Variants in DOK6 observed in about 807,000 individuals in gnomAD.
DOK6 encodes downstream of tyrosine kinase 6.
A neutral mutation model predicts 44.0 loss-of-function variants in DOK6; 22 were observed. The ratio of observed to expected loss-of-function variants is 0.50; its 90% confidence interval spans 0.36 to 0.71. The LOEUF is 0.71. DOK6 is among the 30% of genes least tolerant of loss of function. The pLI is 0.00. For synonymous variants in DOK6, 166 were observed against 145.5 expected (o/e 1.14, Z -1.01); for missense variants, 340 against 416.4 (o/e 0.82, Z 1.60).
Position 69,464,265 on chromosome 18 carries a change from T to A in DOK6, c.66+62955T>A, listed in dbSNP as rs981971307. On this transcript the variant is annotated intron_variant, in intron 1 of 7. Transcript: ENST00000382713. ...CCCATATCCTGATGTGGGATTGACATCCTGATGTGAGATTTTCTAAAAACC... is the reference window on the plus strand; with the variant it reads ...CCCATATCCTGATGTGGGATTGACAACCTGATGTGAGATTTTCTAAAAACC... Among the ~76,000 whole-genome samples the A allele has an allele frequency of 2.0e-5, 3 of 152,250 alleles. No individual in the cohort carries two copies. The East Asian group carries it at 5.8e-4, about 29-fold the overall frequency.
intron 2 of DOK6, among the ~76,000 whole-genome samples, chr18:69,581,662 C>T (rs1983372627): frequency 1.3e-5 from 2 of 152,226 alleles, no homozygotes; most frequent in East Asian, 3.9e-4. Flanking sequence ...AACTCAACTC[C>T]CATTTGTGAC....
At chr18:69,552,110 G>A (rs1235674812) in intron 1 of DOK6, among the ~76,000 whole-genome samples, 1 of 152,120 alleles carries the variant, frequency 6.6e-6, no homozygotes, top group East Asian at 1.9e-4. Flanking sequence ...ACATAGTGAG[G>A]ACTTACTGGA....
chr18:69,665,466 G>C (rs956228114), intron 3 of DOK6, among the ~76,000 whole-genome samples: 28 of 152,140 alleles, frequency 1.8e-4, no homozygotes, highest in Non-Finnish European at 3.2e-4. Flanking sequence ...CTAATTATTT[G>C]ATTAGGTAGT....
chr18:69,487,467 C>T (rs545113446), intron 1 of DOK6, among the ~76,000 whole-genome samples: 67 of 152,158 alleles, frequency 4.4e-4, no homozygotes, highest in African/African-American at 1.6e-3. Context: ...GGAATCTGAT[C>T]TCTGGTTTAC....
At chr18:69,632,233 C>A (rs1984705987) in intron 3 of DOK6, among the ~76,000 whole-genome samples, 1 of 152,016 alleles carries the variant, frequency 6.6e-6, no homozygotes, top group Non-Finnish European at 1.5e-5. Flanking sequence ...GACGGTAGAG[C>A]CTTTGACAGT....
intron 2 of DOK6, among the ~76,000 whole-genome samples, chr18:69,581,157 C>T (rs972415075): frequency 1.1e-4 from 17 of 152,146 alleles, no homozygotes; most frequent in Non-Finnish European, 2.5e-4. Context: ...TATGACATGA[C>T]CTAACTTAAG....
chr18:69,822,013 T>C (rs1981588200), intron 7 of DOK6, among the ~76,000 whole-genome samples: 1 of 152,158 alleles, frequency 6.6e-6, no homozygotes, highest in Admixed American at 6.6e-5. Flanking sequence ...AAAAACATTG[T>C]CTGTATTCAC....
chr18:69,760,012 T>C (rs1215134211), intron 7 of DOK6, among the ~76,000 whole-genome samples: 5 of 152,210 alleles, frequency 3.3e-5, no homozygotes, highest in Non-Finnish European at 7.3e-5. Context: ...TACCCCTCAG[T>C]GTTATAGATA....
intron 2 of DOK6, among the ~76,000 whole-genome samples, chr18:69,580,991 A>G (rs1323174281): frequency 6.6e-6 from 1 of 152,232 alleles, no homozygotes; most frequent in Non-Finnish European, 1.5e-5. Context: ...GTTGCCACAC[A>G]TGACAGATGT....
chr18:69,403,600 T>G (rs1181060923), intron 1 of DOK6, among the ~76,000 whole-genome samples: 3 of 152,212 alleles, frequency 2.0e-5, no homozygotes, highest in Non-Finnish European at 4.4e-5. Context: ...ATTGAAACAG[T>G]TTTGTTTTAA....
At chr18:69,686,151 T>G (rs151159243) in intron 4 of DOK6, among the ~76,000 whole-genome samples, 100 of 152,112 alleles carry the variant, frequency 6.6e-4, no homozygotes, top group African/African-American at 2.3e-3. Context: ...AATGGCCCAG[T>G]ACAAGCTGAA....
chr18:69,808,314 T>C (rs532557945), intron 7 of DOK6, among the ~76,000 whole-genome samples: 2 of 151,734 alleles, frequency 1.3e-5, no homozygotes, highest in Admixed American at 6.6e-5. Flanking sequence ...CTAATACCAA[T>C]AAATGCCTAC....
chr18:69,576,514 G>T (rs1351177800), intron 2 of DOK6, among the ~76,000 whole-genome samples: 2 of 152,044 alleles, frequency 1.3e-5, no homozygotes, highest in African/African-American at 4.8e-5. Context: ...CTTTAACTTT[G>T]TGTTACGCCC....
chr18:69,827,836 A>T (rs1981785338), intron 7 of DOK6, among the ~76,000 whole-genome samples: 2 of 151,988 alleles, frequency 1.3e-5, no homozygotes, highest in African/African-American at 4.8e-5. Context: ...TGCGCAGAGA[A>T]GTCTCATTCT....
chr18:69,555,019 C>A (rs1351788855), intron 1 of DOK6, among the ~76,000 whole-genome samples: 1 of 152,130 alleles, frequency 6.6e-6, no homozygotes, highest in South Asian at 2.1e-4. Flanking sequence ...TGGATATGTA[C>A]CCATTTAACA....
intron 3 of DOK6, among the ~76,000 whole-genome samples, chr18:69,664,056 T>TG (rs987979118): frequency 1.3e-5 from 2 of 152,210 alleles, no homozygotes; most frequent in African/African-American, 4.8e-5. Context: ...ATGTTTGGAT[T>TG]GGGGTACAAA....
At chr18:69,422,211 C>A (rs1978512816) in intron 1 of DOK6, among the ~76,000 whole-genome samples, 1 of 152,124 alleles carries the variant, frequency 6.6e-6, no homozygotes, top group Non-Finnish European at 1.5e-5. Flanking sequence ...CTCTCTCCAC[C>A]CACCACTACA....
intron 5 of DOK6, among the ~76,000 whole-genome samples, chr18:69,718,350 G>A (rs1044979307): frequency 6.6e-6 from 1 of 152,104 alleles, no homozygotes; most frequent in Admixed American, 6.5e-5. Flanking sequence ...GAAGCTGAGA[G>A]TTGGGGTGAG....
chr18:69,692,663 G>C (rs1246367520), intron 4 of DOK6, among the ~76,000 whole-genome samples: 1 of 152,178 alleles, frequency 6.6e-6, no homozygotes, highest in Non-Finnish European at 1.5e-5. Context: ...ATTTAGAGTT[G>C]ACATTTGCCA....
Sources: gnomAD v4.1 joint callset for allele counts (sites outside exome capture counted in the v4.1 genomes callset) on GRCh38, gnomAD v4.1.1 for gene constraint, MANE v1.5 for transcripts, NCBI Gene and HGNC (gene_info 2026-07-23, HGNC 2026-07-21) for gene names.